SUGCT: variants seen among roughly 807,000 people sequenced by gnomAD.
SUGCT encodes the protein succinyl-CoA:glutarate CoA-transferase.
SUGCT carries 41 observed loss-of-function variants against 55.0 expected under a neutral mutation model. The observed-to-expected ratio is 0.74, with a 90% CI of 0.58 to 0.97. The LOEUF (loss-of-function observed/expected upper bound fraction) is 0.97, where lower values mean the gene tolerates loss of function less well. Among genes scored for constraint, SUGCT ranks in the 50% least tolerant of loss-of-function variants. The probability of loss-of-function intolerance (pLI) is 0.00; values close to 1 mark genes in which losing one functional copy is unlikely to be tolerated. For synonymous variants in SUGCT, 187 were observed against 200.4 expected (o/e 0.93, Z 0.56); for missense variants, 568 against 547.8 (o/e 1.04, Z -0.37).
intron 6 of SUGCT, among the ~76,000 whole-genome samples, chr7:40,210,484 A>G (rs979333858): frequency 6.0e-5 from 9 of 150,578 alleles, no homozygotes; most frequent in African/African-American, 1.5e-4. Context: ...ATATATGTGT[A>G]TATATATATA....
At chr7:40,362,623 G>A (rs1228950820) in intron 9 of SUGCT, among the ~76,000 whole-genome samples, 1 of 152,072 alleles carries the variant, frequency 6.6e-6, no homozygotes, top group Non-Finnish European at 1.5e-5. Flanking sequence ...TATTAATAAT[G>A]ATTATATCCA....
chr7:40,191,001 G>C (rs1785869101), intron 5 of SUGCT, among the ~76,000 whole-genome samples: 1 of 152,096 alleles, frequency 6.6e-6, no homozygotes, highest in South Asian at 2.1e-4. Context: ...AGGGCTATTT[G>C]GTTAGAGAAC....
chr7:41,007,484 T>A, the SUGCT span, among the ~76,000 whole-genome samples: 1 of 152,188 alleles, frequency 6.6e-6, no homozygotes, highest in African/African-American at 2.4e-5. Flanking sequence ...AAGAGTATTG[T>A]TCCTGCTGTG....
the SUGCT span, among the ~76,000 whole-genome samples, chr7:40,920,320 G>A: frequency 2.0e-5 from 3 of 152,148 alleles, no homozygotes; most frequent in Admixed American, 1.3e-4. Flanking sequence ...CTTCTTCTGT[G>A]AGGAAAGTAT....
chr7:40,375,924 G>GA (rs1784519755), intron 9 of SUGCT, among the ~76,000 whole-genome samples: 1 of 152,118 alleles, frequency 6.6e-6, no homozygotes, highest in South Asian at 2.1e-4. Flanking sequence ...TAGCTGAGAA[G>GA]AAAAATACCA....
At chr7:40,681,557 A>C (rs2151886133) in intron 12 of SUGCT, among the ~76,000 whole-genome samples, 1 of 152,342 alleles carries the variant, frequency 6.6e-6, no homozygotes, top group African/African-American at 2.4e-5. Flanking sequence ...AAGCAAGGCA[A>C]ATCAGGGCAG....
chr7:40,289,204 G>A (rs1324596092), intron 8 of SUGCT, among the ~76,000 whole-genome samples: 1 of 151,898 alleles, frequency 6.6e-6, no homozygotes, highest in Admixed American at 6.6e-5. Flanking sequence ...TATCCATGTG[G>A]GCCTAATGAA....
chr7:40,729,190 G>A lies in SUGCT; in HGVS notation c.1090-20244G>A, dbSNP rs538453983. Among the ~76,000 whole-genome samples, 3 of 152,282 alleles carry A rather than the reference G, an allele frequency of 2.0e-5. No individual in the cohort carries two copies. In the South Asian group the frequency reaches 6.2e-4, roughly 32 times the overall value. On this transcript the variant is annotated intron_variant, in intron 12 of 13. Transcript: ENST00000335693. Reference sequence around the variant, plus strand: ...CAAACCAAATTTATTAGTGCTTGCTGCGTGCCAAGTAGTGGATAAGTACTC... The same window carrying A: ...CAAACCAAATTTATTAGTGCTTGCTACGTGCCAAGTAGTGGATAAGTACTC...
At chr7:40,363,266 C>T (rs935235218) in intron 9 of SUGCT, among the ~76,000 whole-genome samples, 1 of 151,872 alleles carries the variant, frequency 6.6e-6, no homozygotes, top group Non-Finnish European at 1.5e-5. Flanking sequence ...AAAACCAGCT[C>T]CTGGATTCAT....
chr7:40,505,212 A>C (rs1276439564), intron 12 of SUGCT, among the ~76,000 whole-genome samples: 1 of 152,106 alleles, frequency 6.6e-6, no homozygotes, highest in Non-Finnish European at 1.5e-5. Context: ...TATATTATAC[A>C]TCCTTTTATT....
chr7:40,430,884 CGGGCCTCAGCACTG>C (rs1473744148), intron 9 of SUGCT, among the ~76,000 whole-genome samples: 4 of 151,582 alleles, frequency 2.6e-5, no homozygotes, highest in African/African-American at 4.8e-5. Context: ...GAGGCTGAGG[CGGGCCTCAGCACTG>C]GAGGTCAGAA....
At chr7:40,265,542 G>A (rs1791510759) in intron 7 of SUGCT, among the ~76,000 whole-genome samples, 1 of 151,622 alleles carries the variant, frequency 6.6e-6, no homozygotes, top group South Asian at 2.1e-4. Context: ...GAATGTAGTG[G>A]GAAGAGCATA....
At position 40,340,772 on chromosome 7, in the gene SUGCT, G is replaced by A. The variant is rs74930021; in HGVS notation, c.816+23917G>A. Among the ~76,000 whole-genome samples the A allele has an allele frequency of 9.7e-3, 1,473 of 152,296 alleles. 20 individuals are homozygous for A. Among genetic ancestry groups the A allele is most frequent in the African/African-American group, 0.034 (1,405 of 41,558 alleles). On this transcript the variant is annotated intron_variant, in intron 9 of 13. Transcript: ENST00000335693. The stretch of plus-strand genomic sequence containing the variant: ...AATAAAAGCGTTTTTATACATGAAA[G>A]ATAGAAGGTCGACTGGAGAATCAAT...
chr7:40,145,435 A>C (rs1475376501), intron 1 of SUGCT, among the ~76,000 whole-genome samples: 1 of 151,976 alleles, frequency 6.6e-6, no homozygotes, highest in Non-Finnish European at 1.5e-5. Flanking sequence ...CCCTTTCTTT[A>C]AACAACCAGT....
At chr7:40,500,471 C>A (rs1007524576) in intron 12 of SUGCT, among the ~76,000 whole-genome samples, 3 of 152,146 alleles carry the variant, frequency 2.0e-5, no homozygotes, top group South Asian at 4.1e-4. Context: ...AGCAAGCCAT[C>A]CCTTAACAAC....
intron 12 of SUGCT, among the ~76,000 whole-genome samples, chr7:40,676,462 G>C (rs1783982401): frequency 6.6e-6 from 1 of 151,426 alleles, no homozygotes; most frequent in Non-Finnish European, 1.5e-5. Context: ...CATCGAAGCA[G>C]AGACACACCA....
At chr7:40,251,140 T>A (rs777003478) in intron 7 of SUGCT, among the ~76,000 whole-genome samples, 14 of 152,162 alleles carry the variant, frequency 9.2e-5, no homozygotes, top group Non-Finnish European at 1.6e-4. Context: ...CATTTCATGC[T>A]TCTTTAACTA....
intron 8 of SUGCT, among the ~76,000 whole-genome samples, chr7:40,300,152 A>G (rs1334471432): frequency 2.6e-5 from 4 of 152,220 alleles, no homozygotes; most frequent in Non-Finnish European, 4.4e-5. Context: ...ATGTTTTACA[A>G]TTCTTCTTAC....
the SUGCT span, among the ~76,000 whole-genome samples, chr7:40,991,632 G>A: frequency 6.6e-6 from 1 of 152,118 alleles, no homozygotes; most frequent in Non-Finnish European, 1.5e-5. Flanking sequence ...TTAGGGTGAG[G>A]CAGGCCGGAG....
Sources: allele counts gnomAD v4.1 joint callset (sites outside exome capture counted in the v4.1 genomes callset), GRCh38; gene constraint gnomAD v4.1.1; transcripts MANE v1.5; gene names NCBI Gene and HGNC (gene_info 2026-07-23, HGNC 2026-07-21).